The following SMYD3 variants were observed in gnomAD, a reference collection of about 807,000 sequenced individuals.
SMYD3 encodes the protein SET and MYND domain containing 3.
SMYD3 carries 36 observed loss-of-function variants against 57.7 expected under a neutral mutation model. The ratio of observed to expected loss-of-function variants is 0.62; its 90% CI spans 0.48 to 0.82. The LOEUF (loss-of-function observed/expected upper bound fraction) is 0.82. SMYD3 is among the 40% of genes least tolerant of loss of function. The pLI, the probability that SMYD3 is intolerant of heterozygous loss-of-function variation, is 0.00. For synonymous variants in SMYD3, 211 were observed against 195.0 expected, an observed-to-expected ratio of 1.08 and a Z score of -0.68; for missense variants, 515 against 538.8, an observed-to-expected ratio of 0.96 and a Z score of 0.44.
intron 5 of SMYD3, among the ~76,000 whole-genome samples, chr1:246,023,652 C>T (rs1034104405): frequency 1.1e-4 from 17 of 152,076 alleles, no homozygotes; most frequent in Non-Finnish European, 2.1e-4. Context: ...CTCTTGCTTT[C>T]CACTTTAAGA....
intron 10 of SMYD3, among the ~76,000 whole-genome samples, chr1:245,783,659 A>C (rs1399660649): frequency 6.6e-6 from 1 of 152,228 alleles, no homozygotes; most frequent in Non-Finnish European, 1.5e-5. Context: ...GAATTTTCAA[A>C]AACATTTCTA....
intron 1 of SMYD3, among the ~76,000 whole-genome samples, chr1:246,405,631 A>G (rs1294728940): frequency 6.6e-6 from 1 of 152,112 alleles, no homozygotes; most frequent in Non-Finnish European, 1.5e-5. Context: ...CTCTGAGGCC[A>G]GGTGCAGTGG....
chr1:245,863,250 C>T (rs1201274651), intron 9 of SMYD3, among the ~76,000 whole-genome samples: 1 of 152,214 alleles, frequency 6.6e-6, no homozygotes, highest in East Asian at 1.9e-4. Context: ...CACAGTAAAA[C>T]ATTAGTGGAG....
At chr1:246,494,259 G>A (rs533799194) in intron 1 of SMYD3, among the ~76,000 whole-genome samples, 4 of 152,278 alleles carry the variant, frequency 2.6e-5, no homozygotes, top group Admixed American at 6.5e-5. Context: ...ACAGCACTTC[G>A]CTGCAGTCAT....
chr1:246,094,581 C>G (rs1161139385), intron 5 of SMYD3, among the ~76,000 whole-genome samples: 1 of 152,176 alleles, frequency 6.6e-6, no homozygotes, highest in African/African-American at 2.4e-5. Flanking sequence ...CATAACTTTC[C>G]AGACTTTTAA....
In SMYD3 at chr1:246,245,153, C is replaced by T. The variant is rs530817758; in HGVS notation, c.531+82048G>A. On this transcript the variant is annotated intron_variant, in intron 5 of 11. Coordinates refer to ENST00000490107, the MANE Select transcript of SMYD3 (RefSeq NM_001167740.2). ...TTTTTTTTTTTTTTAGTTTTATTTC[C>T]AAGATGAAGTTTAAAAATAAGAATA... 9.5e-5 allele frequency among the ~76,000 whole-genome samples: 12 copies of T among 125,868 alleles called. No homozygotes were observed. The South Asian group carries it at 2.3e-3, about 24-fold the overall frequency. The allele number at this position is 125,868 out of a possible 152,430, so 82.6% of individuals were successfully genotyped here. A position where few individuals can be genotyped will look rare whatever the true frequency, so the allele number is the denominator to read the frequency against.
intron 5 of SMYD3, among the ~76,000 whole-genome samples, chr1:246,324,368 T>C (rs565136914): frequency 2.6e-4 from 39 of 149,588 alleles, no homozygotes; most frequent in Non-Finnish European, 4.3e-4. Flanking sequence ...TGAGCCGATG[T>C]TGCGCCACTG....
intron 10 of SMYD3, among the ~76,000 whole-genome samples, chr1:245,785,030 T>G (rs1000424573): frequency 2.6e-5 from 4 of 151,566 alleles, no homozygotes; most frequent in Admixed American, 2.0e-4. Context: ...TTTTGGGTTT[T>G]AGTAAAGATG....
At chr1:246,337,532 G>C (rs1485654016) in intron 2 of SMYD3, among the ~76,000 whole-genome samples, 1 of 152,176 alleles carries the variant, frequency 6.6e-6, no homozygotes, top group Non-Finnish European at 1.5e-5. Context: ...TTTGGCGTTA[G>C]TTTTCCTTTG....
intron 5 of SMYD3, among the ~76,000 whole-genome samples, chr1:246,194,173 G>A (rs1008746586): frequency 2.6e-5 from 4 of 151,918 alleles, no homozygotes; most frequent in South Asian, 4.1e-4. Flanking sequence ...GTGGGTTGTT[G>A]TTTTAAAAAA....
At chr1:246,252,342 C>T (rs2063811485) in intron 5 of SMYD3, among the ~76,000 whole-genome samples, 1 of 152,140 alleles carries the variant, frequency 6.6e-6, no homozygotes. Context: ...AAAGATAACA[C>T]AGTGTTTGCT....
intron 5 of SMYD3, among the ~76,000 whole-genome samples, chr1:246,031,654 T>A (rs891006042): frequency 6.6e-6 from 1 of 151,482 alleles, no homozygotes; most frequent in African/African-American, 2.4e-5. Flanking sequence ...GGAGAATCGC[T>A]TGAACCAGGG....
chr1:246,148,025 A>G (rs564844721), intron 5 of SMYD3, among the ~76,000 whole-genome samples: 35 of 152,084 alleles, frequency 2.3e-4, no homozygotes, highest in African/African-American at 8.0e-4. Context: ...CCGGGGCAGC[A>G]GGAGGCAGAG....
chr1:246,489,121 C>T (rs1361345568), intron 1 of SMYD3, among the ~76,000 whole-genome samples: 2 of 151,950 alleles, frequency 1.3e-5, no homozygotes, highest in African/African-American at 2.4e-5. Context: ...CCGAGGCGGG[C>T]GGATCACGAG....
At chr1:246,463,791 G>A (rs1202338974) in intron 1 of SMYD3, among the ~76,000 whole-genome samples, 1 of 123,282 alleles carries the variant, frequency 8.1e-6, no homozygotes, top group African/African-American at 3.1e-5. Context: ...AGCCGAGATC[G>A]CACCACTGCA....
chr1:246,218,451 G>T (rs942046064), intron 5 of SMYD3, among the ~76,000 whole-genome samples: 1 of 151,986 alleles, frequency 6.6e-6, no homozygotes, highest in East Asian at 1.9e-4. Context: ...GTGAAACCCC[G>T]TCTCTACTAA....
intron 8 of SMYD3, among the ~76,000 whole-genome samples, chr1:245,885,272 C>A (rs1385104585): frequency 6.6e-6 from 1 of 152,236 alleles, no homozygotes; most frequent in Non-Finnish European, 1.5e-5. Flanking sequence ...CCATGAGGGT[C>A]TGCAGCTTCA....
intron 2 of SMYD3, among the ~76,000 whole-genome samples, chr1:246,337,521 C>T (rs2065563264): frequency 6.6e-6 from 1 of 152,126 alleles, no homozygotes; most frequent in South Asian, 2.1e-4. Flanking sequence ...AGAACCATAA[C>T]TTTGGCGTTA....
intron 5 of SMYD3, among the ~76,000 whole-genome samples, chr1:246,030,070 T>C (rs545845241): frequency 2.0e-4 from 31 of 151,592 alleles, no homozygotes; most frequent in Non-Finnish European, 2.7e-4. Flanking sequence ...CCAATGCGTA[T>C]TGCAGCACTA....
Sources: allele counts gnomAD v4.1 joint callset (sites outside exome capture counted in the v4.1 genomes callset), GRCh38; gene constraint gnomAD v4.1.1; transcripts MANE v1.5; gene names NCBI Gene and HGNC (gene_info 2026-07-23, HGNC 2026-07-21).